OVOL2: variants seen among roughly 807,000 people sequenced by gnomAD.
OVOL2 encodes the protein transcription factor Ovo-like 2.
A neutral mutation model predicts 18.1 loss-of-function variants in OVOL2; 13 were observed. That is an observed-to-expected ratio of 0.72 (90% CI 0.47 to 1.14). The LOEUF is 1.14. Ranked by LOEUF, OVOL2 falls within the 50% of genes most tolerant of loss-of-function variation. The pLI, the probability that OVOL2 is intolerant of heterozygous loss-of-function variation, is 0.00. For missense variants in OVOL2, 335 were observed against 383.0 expected, an observed-to-expected ratio of 0.87 and a Z score of 1.05; for synonymous variants, 166 against 162.7, an observed-to-expected ratio of 1.02 and a Z score of -0.16.
chr20:18,055,788 C>T (rs999743281), intron 2 of OVOL2, among the ~76,000 whole-genome samples: 17 of 152,210 alleles, frequency 1.1e-4, no homozygotes, highest in African/African-American at 3.9e-4. Flanking sequence ...CACAGTGTAG[C>T]ACTGCGGCCC....
At chr20:18,027,367 A>C (rs1033717721) in intron 3 of OVOL2, among the ~76,000 whole-genome samples, 6 of 151,896 alleles carry the variant, frequency 4.0e-5, no homozygotes, top group African/African-American at 1.4e-4. Flanking sequence ...GTCTCTACTA[A>C]AGATACAAAA....
chr20:18,052,017 G>A (rs2036775912), intron 2 of OVOL2, among the ~76,000 whole-genome samples: 1 of 152,210 alleles, frequency 6.6e-6, no homozygotes, highest in African/African-American at 2.4e-5. Context: ...TGGGATTACA[G>A]GCATGAGCTA....
intron 2 of OVOL2, among the ~76,000 whole-genome samples, chr20:18,052,654 C>T (rs1293381147): frequency 6.6e-6 from 1 of 152,190 alleles, no homozygotes; most frequent in East Asian, 1.9e-4. Context: ...CTACAAGACT[C>T]GATAGAGAGC....
In OVOL2 at chr20:18,057,519, C is replaced by T. The variant is rs376312570; in HGVS notation, c.100+16G>A. 182 of 1,558,186 alleles carry T rather than the reference C, an allele frequency of 1.2e-4. No individual in the cohort carries two copies. The highest frequency in any genetic ancestry group is 1.5e-4 in the Non-Finnish European group (168 of 1,150,970). On this transcript the variant is annotated intron_variant, in intron 1 of 3. Coordinates refer to ENST00000278780, the MANE Select transcript of OVOL2 (RefSeq NM_021220.4). The surrounding 1 kb of genome is among the most constrained non-coding windows in gnomAD (Gnocchi z 6.3). The stretch of plus-strand genomic sequence containing the variant: ...CGGGAGCCCAGCGCCCAGGCCCGGC[C>T]CCCGCGCGCGCTCACCTGGGATGTA...
At chr20:18,042,958 C>T (rs1261782792) in intron 2 of OVOL2, among the ~76,000 whole-genome samples, 1 of 152,114 alleles carries the variant, frequency 6.6e-6, no homozygotes, top group South Asian at 2.1e-4. Flanking sequence ...CCATAAACCT[C>T]TTCTCTATAA....
intron 3 of OVOL2, among the ~76,000 whole-genome samples, chr20:18,027,211 C>G (rs1198365273): frequency 6.6e-6 from 1 of 151,974 alleles, no homozygotes; most frequent in African/African-American, 2.4e-5. Context: ...GCCATATCAG[C>G]AAGTTTTATT....
At chr20:18,034,384 C>T (rs921563529) in intron 3 of OVOL2, among the ~76,000 whole-genome samples, 8 of 152,172 alleles carry the variant, frequency 5.3e-5, no homozygotes, top group Non-Finnish European at 1.0e-4. Flanking sequence ...GGGATGAGGT[C>T]GAGGCTGCAC....
At chr20:18,038,096 T>A (rs777015283) in intron 3 of OVOL2, among the ~76,000 whole-genome samples, 2 of 152,220 alleles carry the variant, frequency 1.3e-5, no homozygotes, top group African/African-American at 4.8e-5. Flanking sequence ...GACTCCCCTT[T>A]GGCATGTGCC....
intron 2 of OVOL2, among the ~76,000 whole-genome samples, chr20:18,045,629 G>A (rs1346638591): frequency 6.6e-6 from 1 of 152,130 alleles, no homozygotes; most frequent in African/African-American, 2.4e-5. Context: ...TAGAAAGTGT[G>A]TTATTTATTT....
rs755003960 is a variant in OVOL2 at position 18,041,660 on chromosome 20, G to A, written c.385C>T (p.Arg129Cys). The change falls in exon 3 of 4, where the codon CGT becomes TGT. Residue 129 changes from arginine (R) to cysteine (C), a missense_variant. Transcript: ENST00000278780. ...TGACGGTTCAGCATGCGCTGCAGAC[G>A]GAAGCCCTTGCCACACAGGTCACAG... ...HSCDLCGKGF[R>C]LQRMLNRHLK... is the part of the protein sequence containing the mutation. 40 of 1,613,856 alleles carry A rather than the reference G, an allele frequency of 2.5e-5. No homozygotes were observed. Among genetic ancestry groups the A allele is most frequent in the Middle Eastern group, 1.6e-4 (1 of 6,082 alleles).
chr20:18,031,782 C>T (rs1839117571), intron 3 of OVOL2, among the ~76,000 whole-genome samples: 1 of 152,162 alleles, frequency 6.6e-6, no homozygotes, highest in Non-Finnish European at 1.5e-5. Context: ...GTACCATCAG[C>T]CTGTCCTACC....
Position 18,056,745 on chromosome 20 carries a change from T to C in OVOL2, c.233A>G (p.Glu78Gly). 1 of 1,490,496 alleles carries C rather than the reference T, an allele frequency of 6.7e-7. No individual in the cohort carries two copies. The highest frequency in any genetic ancestry group is 8.9e-7 in the Non-Finnish European group (1 of 1,127,394). 92.3% of individuals were successfully genotyped at this position (1,490,496 alleles called of 1,614,324 possible). Reference protein sequence around the residue: ...AESSSSPHAPESETPEPGDAE... With the variant: ...AESSSSPHAPGSETPEPGDAE... ...GTCGCCGGGCTCGGGGGTTTCGCTC[T>C]CGGGGGCGTGCGGGGACGAGCTGCT... is the stretch of plus-strand genomic sequence containing the variant. The change falls in exon 2 of 4, where the codon GAG (glutamate) becomes GGG (glycine). Residue 78 changes from glutamate to glycine, a missense_variant. Coordinates refer to ENST00000278780, the MANE Select transcript of OVOL2 (RefSeq NM_021220.4). This position sits in a 1 kb window ranked among gnomAD's most constrained non-coding sequence, Gnocchi z 4.2.
chr20:18,057,588 A>G lies in OVOL2; in HGVS notation c.47T>C (p.Val16Ala). Residue 16 changes from valine (V) to alanine (A), a missense_variant, in exon 1 of 4, where the codon GTC (valine) becomes GCC (alanine). Val to Ala is a moderately conservative substitution (Grantham distance 64). Transcript: ENST00000278780. This position sits in a 1 kb window ranked among gnomAD's most constrained non-coding sequence, Gnocchi z 6.3. ...ATCCGGGAGCTCATCCCAGCTGCGG[A>G]CCGAGACCCCCAGGCTCCTCCTCTT... ...LVKRRSLGVS[V>A]RSWDELPDEK... The G allele has an allele frequency of 6.3e-7, 1 of 1,598,306 alleles. No individual in the cohort carries two copies. Among genetic ancestry groups the G allele is most frequent in the Non-Finnish European group, 8.5e-7 (1 of 1,172,390 alleles).
At chr20:18,039,953 C>G (rs1278199577) in intron 3 of OVOL2, among the ~76,000 whole-genome samples, 1 of 152,056 alleles carries the variant, frequency 6.6e-6, no homozygotes, top group Non-Finnish European at 1.5e-5. Flanking sequence ...GAGACCGGGT[C>G]TTGCTCTCTT....
chr20:18,057,709 T>C lies in OVOL2; in HGVS notation c.-75A>G. The C allele has an allele frequency of 1.4e-6, 2 of 1,468,296 alleles. No individual in the cohort carries two copies. Among genetic ancestry groups the C allele is most frequent in the Admixed American group, 2.5e-5 (1 of 39,784 alleles). The allele number at this position is 1,468,296 out of a possible 1,614,324, so 91.0% of individuals were successfully genotyped here. On this transcript the variant is annotated 5_prime_UTR_variant, in exon 1 of 4. Transcript: ENST00000278780. The surrounding 1 kb of genome is among the most constrained non-coding windows in gnomAD (Gnocchi z 6.3). ...GCTAGGGGCAACGGCGGCGGCTCCG[T>C]CCCCGGCTCCCGGCGGCCAGAGCCC...
intron 3 of OVOL2, among the ~76,000 whole-genome samples, chr20:18,034,030 A>T (rs536367461): frequency 5.9e-5 from 9 of 152,318 alleles, no homozygotes; most frequent in African/African-American, 1.7e-4. Context: ...TGAGCTGGTC[A>T]GCAGGCAGAA....
rs1230297320 is a variant in OVOL2 at position 18,047,424 on chromosome 20, C to T, written c.322-5701G>A. 2.0e-5 allele frequency among the ~76,000 whole-genome samples: 3 copies of T among 149,348 alleles called. 1 individual carries two copies. The highest frequency in any genetic ancestry group is 4.5e-5 in the Non-Finnish European group (3 of 67,262). ...ACTCGGGAGGCTGAAACAAGAGAAT[C>T]GTTTGAACCCGGGAGGCGGAGGTTG... On this transcript the variant is annotated intron_variant, in intron 2 of 3. Coordinates refer to ENST00000278780, the MANE Select transcript of OVOL2 (RefSeq NM_021220.4).
chr20:18,042,592 C>T (rs930776930), intron 2 of OVOL2, among the ~76,000 whole-genome samples: 4 of 151,820 alleles, frequency 2.6e-5, no homozygotes, highest in Non-Finnish European at 5.9e-5. Context: ...GCCTGACCAA[C>T]GTGGAGAAAT....
chr20:18,041,681 C>T lies in OVOL2; in HGVS notation c.364G>A (p.Asp122Asn), dbSNP rs867043036. The T allele has an allele frequency of 6.2e-7, 1 of 1,613,930 alleles. No homozygotes were observed. Among genetic ancestry groups the T allele is most frequent in the Non-Finnish European group, 8.5e-7 (1 of 1,179,958 alleles). ...AGACGGAAGCCCTTGCCACACAGGT[C>T]ACAGCTGTGAACCACCGAGTCGCTG... ...TCSDSVVHSC[D>N]LCGKGFRLQR... Residue 122 changes from aspartate (D) to asparagine (N), a missense_variant, in exon 3 of 4, where the codon GAC (aspartate) becomes AAC (asparagine). Physicochemically the swap from Asp to Asn is conservative, Grantham distance 23. Coordinates refer to ENST00000278780, the MANE Select transcript of OVOL2 (RefSeq NM_021220.4).
Sources: allele counts gnomAD v4.1 joint callset (sites outside exome capture counted in the v4.1 genomes callset), GRCh38; gene constraint gnomAD v4.1.1; non-coding constraint Gnocchi (gnomAD v3.1); transcripts MANE v1.5; gene names NCBI Gene and HGNC (gene_info 2026-07-23, HGNC 2026-07-21).